Variants in LOC128462377 observed in about 807,000 individuals in gnomAD.
the LOC128462377 span, among the ~76,000 whole-genome samples, chr16:89,387,225 A>G: frequency 6.6e-6 from 1 of 151,250 alleles, no homozygotes; most frequent in East Asian, 2.0e-4. Flanking sequence ...CTGGAGTGCC[A>G]AGTTAAAAAA....
the LOC128462377 span, among the ~76,000 whole-genome samples, chr16:89,381,734 T>C: frequency 6.6e-6 from 1 of 152,152 alleles, no homozygotes; most frequent in East Asian, 1.9e-4. Context: ...GGAGAATACC[T>C]GTCAGCATAT....
At chr16:89,352,092 T>C in the LOC128462377 span, among the ~76,000 whole-genome samples, 1 of 150,870 alleles carries the variant, frequency 6.6e-6, no homozygotes, top group East Asian at 2.0e-4. Context: ...GGTTTCAACA[T>C]GTTGGTCAGA....
the LOC128462377 span, among the ~76,000 whole-genome samples, chr16:89,352,417 T>G: frequency 6.6e-6 from 1 of 151,000 alleles, no homozygotes; most frequent in Admixed American, 6.6e-5. Context: ...GACGCCCTCC[T>G]GCTCTCAGGT....
chr16:89,332,414 TAC>T, the LOC128462377 span, among the ~76,000 whole-genome samples: 5 of 152,164 alleles, frequency 3.3e-5, no homozygotes, highest in Non-Finnish European at 5.9e-5. Context: ...AGAGATGCCT[TAC>T]AGCTCCACAC....
At chr16:89,317,350 G>A in the LOC128462377 span, among the ~76,000 whole-genome samples, 3 of 152,246 alleles carry the variant, frequency 2.0e-5, no homozygotes, top group Non-Finnish European at 4.4e-5. Flanking sequence ...GGCCTAGGGT[G>A]TGGCTGTGTT....
chr16:89,405,578 C>T, the LOC128462377 span, among the ~76,000 whole-genome samples: 2 of 151,338 alleles, frequency 1.3e-5, no homozygotes, highest in African/African-American at 4.9e-5. Flanking sequence ...CAGCAATCCT[C>T]CCGCCTCAGC....
the LOC128462377 span, among the ~76,000 whole-genome samples, chr16:89,406,728 C>T: frequency 1.2e-4 from 19 of 152,306 alleles, no homozygotes; most frequent in African/African-American, 3.8e-4. Flanking sequence ...ACCTCAGTGC[C>T]TCCTTCACGC....
the LOC128462377 span, among the ~76,000 whole-genome samples, chr16:89,389,185 AT>A: frequency 2.3e-3 from 329 of 146,038 alleles, no homozygotes; most frequent in Middle Eastern, 3.7e-3. Flanking sequence ...CGTCTGGCTA[AT>A]TTTTTTTTTT....
chr16:89,347,395 G>A, the LOC128462377 span, among the ~76,000 whole-genome samples: 1 of 152,152 alleles, frequency 6.6e-6, no homozygotes, highest in African/African-American at 2.4e-5. Flanking sequence ...GGATCACGAG[G>A]TCAGGAGATC....
the LOC128462377 span, among the ~76,000 whole-genome samples, chr16:89,381,639 T>G: frequency 6.6e-6 from 1 of 152,194 alleles, no homozygotes; most frequent in Non-Finnish European, 1.5e-5. Flanking sequence ...TCCCCCAACA[T>G]GCCTGTCACA....
chr16:89,394,589 C>G, the LOC128462377 span, among the ~76,000 whole-genome samples: 2 of 151,378 alleles, frequency 1.3e-5, no homozygotes, highest in African/African-American at 4.9e-5. Flanking sequence ...TATCGCACCA[C>G]TGCACTCCAG....
chr16:89,407,650 G>A, the LOC128462377 span, among the ~76,000 whole-genome samples: 5 of 151,872 alleles, frequency 3.3e-5, no homozygotes, highest in African/African-American at 1.2e-4. Context: ...GCGAGACGCC[G>A]TCTCTATCAA....
At chr16:89,396,095 G>C in the LOC128462377 span, 1 of 152,212 alleles carries the variant, frequency 6.6e-6, no homozygotes, top group Non-Finnish European at 1.5e-5. Flanking sequence ...TGCAAGTTCA[G>C]CCAGAACACC....
chr16:89,364,597 C>A, the LOC128462377 span, among the ~76,000 whole-genome samples: 4 of 152,186 alleles, frequency 2.6e-5, no homozygotes, highest in Non-Finnish European at 4.4e-5. Context: ...CTGGGCCACA[C>A]TGGAAGAAGA....
At chr16:89,328,636 G>A in the LOC128462377 span, among the ~76,000 whole-genome samples, 1 of 151,174 alleles carries the variant, frequency 6.6e-6, no homozygotes, top group South Asian at 2.1e-4. Flanking sequence ...ACACACCCAG[G>A]AGCACGGGCG....
chr16:89,378,630 T>C, the LOC128462377 span, among the ~76,000 whole-genome samples: 1 of 152,194 alleles, frequency 6.6e-6, no homozygotes, highest in East Asian at 1.9e-4. Context: ...AAGTAGCTTC[T>C]CTTGTTTGAA....
chr16:89,365,661 C>T, the LOC128462377 span, among the ~76,000 whole-genome samples: 1 of 152,162 alleles, frequency 6.6e-6, no homozygotes, highest in Admixed American at 6.5e-5. Context: ...CCTTTTACCG[C>T]AATTCTTCCT....
At chr16:89,374,709 G>T in the LOC128462377 span, among the ~76,000 whole-genome samples, 1 of 152,128 alleles carries the variant, frequency 6.6e-6, no homozygotes, top group Non-Finnish European at 1.5e-5. Flanking sequence ...ACTCTGCTCA[G>T]GTAAGGACCA....
At chr16:89,379,363 T>G in the LOC128462377 span, among the ~76,000 whole-genome samples, 2 of 152,212 alleles carry the variant, frequency 1.3e-5, no homozygotes, top group Non-Finnish European at 2.9e-5. Flanking sequence ...GTGTTACCAG[T>G]GAACGGGGCT....
Sources: gnomAD v4.1 joint callset for allele counts (sites outside exome capture counted in the v4.1 genomes callset) on GRCh38, gnomAD v4.1.1 for gene constraint, MANE v1.5 for transcripts.